POLR1D: variants seen among roughly 807,000 people sequenced by gnomAD.
The protein encoded by POLR1D is RNA polymerase I and III subunit D, also known as DNA-directed RNA polymerases I and III subunit RPAC2.
In POLR1D, 8 loss-of-function variants were observed where a neutral mutation model predicts 10.8. The ratio of observed to expected loss-of-function variants is 0.74; its 90% confidence interval spans 0.43 to 1.33. The LOEUF is 1.33. Ranked by LOEUF, POLR1D falls within the 40% of genes most tolerant of loss-of-function variation. The pLI, the probability that POLR1D is intolerant of heterozygous loss-of-function variation, is 0.01. For missense variants in POLR1D, 152 were observed against 161.7 expected (o/e 0.94, Z 0.32); for synonymous variants, 54 against 57.2 (o/e 0.94, Z 0.25).
intron 1 of POLR1D, among the ~76,000 whole-genome samples, chr13:27,638,366 G>A (rs1473871061): frequency 6.6e-6 from 1 of 152,182 alleles, no homozygotes; most frequent in African/African-American, 2.4e-5. Context: ...TCTTCCTGGG[G>A]TTAAAAATGG....
chr13:27,622,819 C>G (rs1052076414), intron 1 of POLR1D, 56 bp from the exon 2 acceptor site: 3 of 1,110,684 alleles, frequency 2.7e-6, no homozygotes, highest in African/African-American at 3.1e-5. Context: ...TGAGAAAAAG[C>G]TAGTTACAAA....
intron 2 of POLR1D, among the ~76,000 whole-genome samples, chr13:27,659,723 G>A (rs1956342072): frequency 6.6e-6 from 1 of 152,106 alleles, no homozygotes; most frequent in African/African-American, 2.4e-5. Flanking sequence ...GGGAGCTGGA[G>A]GCCGAGGATT....
chr13:27,660,170 G>T (rs1268766627), intron 2 of POLR1D, among the ~76,000 whole-genome samples: 2 of 152,094 alleles, frequency 1.3e-5, no homozygotes, highest in African/African-American at 2.4e-5. Flanking sequence ...ACCATGGGTG[G>T]TTTTGGTAGT....
Position 27,665,889 on chromosome 13 carries a change from G to T in POLR1D, c.305G>T (p.Ser102Ile), listed in dbSNP as rs200143431. The T allele has an allele frequency of 4.3e-6, 7 of 1,614,050 alleles. No individual in the cohort carries two copies. The African/African-American group carries it at 9.3e-5, about 21-fold the overall frequency. ...AGCTTCCGCGCTCGAGGTTCCGCCA[G>T]TTACTCCCCGCCACGAAAGCGGAGC... The change falls in exon 3 of 3, where the codon AGT becomes ATT. Residue 102 changes from serine (S) to isoleucine (I), a missense_variant. Physicochemically the swap from Ser to Ile is moderately radical, Grantham distance 142. Coordinates refer to the POLR1D transcript ENST00000399697.
intron 2 of POLR1D, among the ~76,000 whole-genome samples, chr13:27,649,106 T>C (rs1956245422): frequency 1.3e-5 from 2 of 152,180 alleles, no homozygotes; most frequent in African/African-American, 4.8e-5. Context: ...ACTTTAGTGA[T>C]GCCATTTGCA....
upstream of POLR1D, chr13:27,621,834 C>G: frequency 1.3e-6 from 1 of 780,650 alleles, no homozygotes; most frequent in Admixed American, 2.2e-5. Flanking sequence ...CTGGGCCCTG[C>G]CGCGCCGCTG....
intron 1 of POLR1D, among the ~76,000 whole-genome samples, chr13:27,639,288 T>G (rs920382445): frequency 5.9e-5 from 9 of 152,112 alleles, no homozygotes; most frequent in Non-Finnish European, 1.2e-4. Context: ...TGTGTGGATT[T>G]TTCCCCTAAC....
intron 1 of POLR1D, among the ~76,000 whole-genome samples, chr13:27,637,147 C>T (rs1314638711): frequency 6.6e-6 from 1 of 151,828 alleles, no homozygotes; most frequent in Non-Finnish European, 1.5e-5. Context: ...TCTGTGGTTT[C>T]TTTCTTTTGG....
intron 1 of POLR1D, among the ~76,000 whole-genome samples, chr13:27,632,609 T>G (rs978208887): frequency 6.6e-6 from 1 of 152,098 alleles, no homozygotes; most frequent in East Asian, 1.9e-4. Flanking sequence ...GTGTCATTTC[T>G]TGTAACTCTT....
At chr13:27,624,477 A>G (rs192365285), downstream of POLR1D, among the ~76,000 whole-genome samples, 4 of 151,344 alleles carry the variant, frequency 2.6e-5, no homozygotes, top group South Asian at 2.1e-4. Flanking sequence ...CACTCAGCCA[A>G]ATTCTTTAAA....
chr13:27,661,833 T>C (rs1307008253), intron 2 of POLR1D, among the ~76,000 whole-genome samples: 1 of 152,156 alleles, frequency 6.6e-6, no homozygotes, highest in Non-Finnish European at 1.5e-5. Flanking sequence ...ACTTCAACCG[T>C]TAGTTTTACG....
chr13:27,652,911 C>CTTTTTTT (rs71083685), intron 2 of POLR1D, among the ~76,000 whole-genome samples: 2 of 89,330 alleles, frequency 2.2e-5, no homozygotes, highest in Non-Finnish European at 4.1e-5. Flanking sequence ...TTTACCATTT[C>CTTTTTTT]TTTTTTTTTT....
intron 1 of POLR1D, among the ~76,000 whole-genome samples, chr13:27,638,645 G>A (rs1482203785): frequency 4.6e-5 from 7 of 152,056 alleles, no homozygotes; most frequent in Non-Finnish European, 8.8e-5. Context: ...GATTACTGTA[G>A]CCTTGACACG....
intron 1 of POLR1D, among the ~76,000 whole-genome samples, chr13:27,639,647 G>A (rs1455698386): frequency 6.6e-6 from 1 of 152,202 alleles, no homozygotes; most frequent in African/African-American, 2.4e-5. Flanking sequence ...GGTGTCTTAT[G>A]AACTGAGAAA....
chr13:27,621,881 C>A, upstream of POLR1D: 2 of 1,252,860 alleles, frequency 1.6e-6, no homozygotes, highest in African/African-American at 1.5e-5. Flanking sequence ...CCGCGCCTTC[C>A]GTCGGTCGGT....
At chr13:27,628,574 T>C (rs1232729898) in intron 1 of POLR1D, among the ~76,000 whole-genome samples, 1 of 152,202 alleles carries the variant, frequency 6.6e-6, no homozygotes, top group Non-Finnish European at 1.5e-5. Context: ...GCTTAGATTA[T>C]TCAGCAATGA....
At chr13:27,622,501 A>G (rs1955954897) in intron 1 of POLR1D, 1 of 300,172 alleles carries the variant, frequency 3.3e-6, no homozygotes, top group Admixed American at 4.9e-5. Context: ...CTATTTTTAT[A>G]CTAGAGCAAT....
chr13:27,624,920 C>T (rs115881784), downstream of POLR1D, among the ~76,000 whole-genome samples: 1,704 of 152,070 alleles, frequency 0.011, 29 homozygotes, highest in African/African-American at 0.038. Flanking sequence ...ACTTGTAATT[C>T]TGTAAAAGCA....
At chr13:27,638,866 C>G (rs1956150518) in intron 1 of POLR1D, among the ~76,000 whole-genome samples, 1 of 151,860 alleles carries the variant, frequency 6.6e-6, no homozygotes, top group Non-Finnish European at 1.5e-5. Flanking sequence ...GTGTGTTTAT[C>G]AAAAACAGTA....
Sources: gnomAD v4.1 joint callset for allele counts (sites outside exome capture counted in the v4.1 genomes callset) on GRCh38, gnomAD v4.1.1 for gene constraint, MANE v1.5 for transcripts, NCBI Gene and HGNC (gene_info 2026-07-23, HGNC 2026-07-21) for gene names.